Variants in DLG2 observed in about 807,000 individuals in gnomAD.
DLG2 encodes the protein discs large MAGUK scaffold protein 2, also known as disks large homolog 2.
A neutral mutation model predicts 132.5 loss-of-function variants in DLG2; 45 were observed. The observed-to-expected ratio is 0.34, with a 90% CI of 0.27 to 0.44. The LOEUF is 0.44. Among genes scored for constraint, DLG2 ranks in the 20% least tolerant of loss-of-function variants. DLG2 has a pLI of 1.00. For missense variants in DLG2, 1,045 were observed against 1,196.9 expected (o/e 0.87, Z 1.87); for synonymous variants, 424 against 419.6 (o/e 1.01, Z -0.13).
intron 3 of DLG2, among the ~76,000 whole-genome samples, chr11:85,439,561 A>G (rs181455086): frequency 0.022 from 3,415 of 151,882 alleles, 123 homozygotes; most frequent in African/African-American, 0.077. Context: ...GGGTTTCACC[A>G]TGTTAGCCAG....
intron 3 of DLG2, among the ~76,000 whole-genome samples, chr11:85,353,106 T>G (rs2083424837): frequency 6.6e-6 from 1 of 152,004 alleles, no homozygotes; most frequent in Non-Finnish European, 1.5e-5. Flanking sequence ...AGGGCTAATA[T>G]CCAGAATCTA....
chr11:84,879,988 G>C (rs745572983), intron 6 of DLG2, among the ~76,000 whole-genome samples: 162 of 152,100 alleles, frequency 1.1e-3, no homozygotes, highest in Admixed American at 2.1e-3. Flanking sequence ...CAATTTCAAA[G>C]GCTGTTAACA....
At chr11:84,956,498 A>G (rs1425238511) in intron 6 of DLG2, among the ~76,000 whole-genome samples, 1 of 152,164 alleles carries the variant, frequency 6.6e-6, no homozygotes, top group Non-Finnish European at 1.5e-5. Context: ...ATTTCCCTAC[A>G]ACACAGTAGG....
intron 7 of DLG2, among the ~76,000 whole-genome samples, chr11:84,418,200 A>G (rs964050344): frequency 1.3e-5 from 2 of 152,166 alleles, no homozygotes; most frequent in Non-Finnish European, 2.9e-5. Flanking sequence ...GCTCTTATTC[A>G]TCTCTGTGTT....
intron 18 of DLG2, among the ~76,000 whole-genome samples, chr11:83,762,570 G>A (rs2153765145): frequency 1.3e-5 from 2 of 151,726 alleles, no homozygotes; most frequent in Admixed American, 1.3e-4. Context: ...TAAGTGTTGA[G>A]ATTAAGTATT....
intron 7 of DLG2, among the ~76,000 whole-genome samples, chr11:84,374,109 C>T (rs992131281): frequency 6.6e-6 from 1 of 152,128 alleles, no homozygotes; most frequent in Non-Finnish European, 1.5e-5. Flanking sequence ...TTGATATGTT[C>T]CTTCCAAAAT....
At chr11:83,603,625 T>C (rs1314828070) in intron 19 of DLG2, among the ~76,000 whole-genome samples, 2 of 120,122 alleles carry the variant, frequency 1.7e-5, no homozygotes, top group Non-Finnish European at 3.3e-5. Context: ...ATTCTAACAG[T>C]TTCATATCCT....
chr11:83,603,910 G>T (rs2058946009), intron 19 of DLG2, among the ~76,000 whole-genome samples: 1 of 152,032 alleles, frequency 6.6e-6, no homozygotes, highest in Non-Finnish European at 1.5e-5. Flanking sequence ...GCAAATATCT[G>T]TTCTCTTTTA....
chr11:85,503,935 A>AAGG lies in DLG2; in HGVS notation c.40+94719_40+94721dup, dbSNP rs377380905. On this transcript the variant is annotated intron_variant, in intron 3 of 27. Transcript: ENST00000376104. ...CAACACAGTGAGACCCTGTCTCAAG[A>AAGG]AGGAGGAGGAGGAGGAGGAGGGACA... Among the ~76,000 whole-genome samples, 205 of 151,730 alleles carry AAGG rather than the reference A, an allele frequency of 1.4e-3. 1 individual carries two copies. Among genetic ancestry groups the AAGG allele is most frequent in the African/African-American group, 3.6e-3 (149 of 41,446 alleles).
At chr11:84,880,376 T>G (rs1456730855) in intron 6 of DLG2, among the ~76,000 whole-genome samples, 1 of 152,096 alleles carries the variant, frequency 6.6e-6, no homozygotes, top group Non-Finnish European at 1.5e-5. Flanking sequence ...ACCGGGTGAC[T>G]TATTTCAGAG....
chr11:83,729,923 C>T (rs758231055), intron 18 of DLG2, among the ~76,000 whole-genome samples: 3 of 152,082 alleles, frequency 2.0e-5, no homozygotes, highest in Non-Finnish European at 2.9e-5. Flanking sequence ...TACACAATAA[C>T]GTCAGATCAG....
chr11:84,676,483 G>T (rs188716444), intron 6 of DLG2, among the ~76,000 whole-genome samples: 11 of 152,140 alleles, frequency 7.2e-5, no homozygotes, highest in Middle Eastern at 6.8e-3. Flanking sequence ...TGGGATCTGA[G>T]GTCCTTTATC....
chr11:84,600,127 A>AAAGAAG (rs1181905460), intron 6 of DLG2, among the ~76,000 whole-genome samples: 2 of 127,372 alleles, frequency 1.6e-5, no homozygotes, highest in African/African-American at 3.0e-5. Context: ...GGAAAGAAAG[A>AAAGAAG]GAAAGAAAGA....
At position 84,554,964 on chromosome 11, in the gene DLG2, GAA is replaced by G. The variant is rs1012799115; in HGVS notation, c.358-20235_358-20234del. Among the ~76,000 whole-genome samples the G allele has an allele frequency of 5.9e-5, 9 of 152,214 alleles. No homozygotes were observed. The East Asian group carries it at 1.5e-3, about 26-fold the overall frequency. On this transcript the variant is annotated intron_variant, in intron 6 of 27. Coordinates refer to ENST00000376104, the MANE Select transcript of DLG2 (RefSeq NM_001142699.3). ...AACAACCATGAGAATCTTTGTGTTG[GAA>G]AAGAGTGTGGTAGGTTCAAGGAATT...
chr11:84,171,813 T>C (rs1203880433), intron 8 of DLG2, among the ~76,000 whole-genome samples: 4 of 152,188 alleles, frequency 2.6e-5, no homozygotes, highest in African/African-American at 7.2e-5. Flanking sequence ...AAGTGAGTCA[T>C]TCCACCAGAA....
intron 7 of DLG2, among the ~76,000 whole-genome samples, chr11:84,406,185 C>T (rs2098848325): frequency 6.6e-6 from 1 of 152,164 alleles, no homozygotes; most frequent in South Asian, 2.1e-4. Flanking sequence ...CCCTGATTAC[C>T]TGAATATGCC....
At chr11:84,669,699 C>T (rs1341432132) in intron 6 of DLG2, among the ~76,000 whole-genome samples, 1 of 151,958 alleles carries the variant, frequency 6.6e-6, no homozygotes. Context: ...TTTAGGGTCA[C>T]CTGACAATAT....
chr11:84,852,575 C>A (rs1416279426), intron 6 of DLG2, among the ~76,000 whole-genome samples: 1 of 151,922 alleles, frequency 6.6e-6, no homozygotes, highest in Non-Finnish European at 1.5e-5. Context: ...TAGTCCTGAT[C>A]TTTGATGATC....
intron 6 of DLG2, among the ~76,000 whole-genome samples, chr11:84,562,350 A>T (rs1376611209): frequency 1.3e-5 from 2 of 152,156 alleles, no homozygotes; most frequent in Non-Finnish European, 2.9e-5. Flanking sequence ...AAAGAAAAAA[A>T]ATTGGGAGCA....
Sources: allele counts gnomAD v4.1 joint callset (sites outside exome capture counted in the v4.1 genomes callset), GRCh38; gene constraint gnomAD v4.1.1; transcripts MANE v1.5; gene names NCBI Gene and HGNC (gene_info 2026-07-23, HGNC 2026-07-21).